The following NRG1 variants were observed in gnomAD, a reference collection of about 807,000 sequenced individuals.
NRG1 encodes the protein pro-neuregulin-1, membrane-bound isoform.
In NRG1, 18 loss-of-function variants were observed where a neutral mutation model predicts 63.8. That is an observed-to-expected ratio of 0.28 (90% CI 0.19 to 0.42). The LOEUF is 0.42. NRG1 is among the 10% of genes least tolerant of loss of function. NRG1 has a pLI of 1.00. For missense variants in NRG1, 762 were observed against 814.7 expected, an observed-to-expected ratio of 0.94 and a Z score of 0.79; for synonymous variants, 302 against 301.3, an observed-to-expected ratio of 1.00 and a Z score of -0.02.
chr8:32,125,160 T>C (rs7835197), intron 1 of NRG1, among the ~76,000 whole-genome samples: 140,998 of 151,926 alleles, frequency 0.93, 65,600 homozygotes, highest in East Asian at 1. Context: ...AGACACCAAA[T>C]GTGCTGGTGC....
intron 1 of NRG1, among the ~76,000 whole-genome samples, chr8:32,498,926 G>C (rs1378195275): frequency 6.6e-6 from 1 of 152,128 alleles, no homozygotes; most frequent in Non-Finnish European, 1.5e-5. Flanking sequence ...TGCCAAAGTA[G>C]CATATTTTGG....
At chr8:32,098,473 T>G (rs1159345166) in intron 1 of NRG1, among the ~76,000 whole-genome samples, 4 of 152,064 alleles carry the variant, frequency 2.6e-5, no homozygotes, top group Non-Finnish European at 4.4e-5. Context: ...AATCCCAGAG[T>G]GTTAAGCTCA....
intron 1 of NRG1, among the ~76,000 whole-genome samples, chr8:32,540,992 G>A (rs1249637103): frequency 1.3e-5 from 2 of 152,158 alleles, no homozygotes. Context: ...GCCTTCTTGA[G>A]TTGTTAATAC....
intron 1 of NRG1, among the ~76,000 whole-genome samples, chr8:31,956,483 T>G (rs1040433332): frequency 6.6e-6 from 1 of 151,998 alleles, no homozygotes; most frequent in Non-Finnish European, 1.5e-5. Flanking sequence ...AGCCAGGCAT[T>G]GTGGCGGGTG....
chr8:31,849,723 T>C (rs1419678758), intron 1 of NRG1, among the ~76,000 whole-genome samples: 1 of 152,184 alleles, frequency 6.6e-6, no homozygotes, highest in African/African-American at 2.4e-5. Context: ...TTCCCTGTGC[T>C]TTCATGAATG....
chr8:32,307,492 G>A (rs1856321082), intron 1 of NRG1, among the ~76,000 whole-genome samples: 1 of 151,910 alleles, frequency 6.6e-6, no homozygotes, highest in African/African-American at 2.4e-5. Context: ...AAAACCAATT[G>A]ATTTTAAATA....
At chr8:31,814,635 T>A in intron 1 of NRG1, among the ~76,000 whole-genome samples, 1 of 148,420 alleles carries the variant, frequency 6.7e-6, no homozygotes, top group Non-Finnish European at 1.5e-5. Flanking sequence ...TAATAATTAA[T>A]AAATATTAAA....
intron 1 of NRG1, among the ~76,000 whole-genome samples, chr8:31,696,257 G>A (rs1048727646): frequency 2.6e-5 from 4 of 152,252 alleles, no homozygotes; most frequent in Non-Finnish European, 5.9e-5. Flanking sequence ...AATAGAGACA[G>A]GGTTTCACCA....
intron 1 of NRG1, among the ~76,000 whole-genome samples, chr8:32,243,414 A>G (rs1848308146): frequency 2.1e-5 from 3 of 145,348 alleles, no homozygotes; most frequent in African/African-American, 7.8e-5. Context: ...TGGGTGACAG[A>G]GTAAGACTCT....
At chr8:32,132,676 G>C (rs999365402) in intron 1 of NRG1, among the ~76,000 whole-genome samples, 3 of 152,058 alleles carry the variant, frequency 2.0e-5, no homozygotes, top group Non-Finnish European at 4.4e-5. Flanking sequence ...ATGCATGGAA[G>C]AACACATCTG....
At chr8:32,493,629 A>G (rs934899419) in intron 1 of NRG1, among the ~76,000 whole-genome samples, 1 of 152,224 alleles carries the variant, frequency 6.6e-6, no homozygotes, top group Non-Finnish European at 1.5e-5. Flanking sequence ...GTCATCCTTC[A>G]GCTAATTTGG....
At chr8:31,977,652 A>G (rs1808408517) in intron 1 of NRG1, among the ~76,000 whole-genome samples, 2 of 152,144 alleles carry the variant, frequency 1.3e-5, no homozygotes, top group South Asian at 4.1e-4. Context: ...ATTGTAATTT[A>G]TAAAAGAATA....
At chr8:32,594,121 A>C (rs1017243970) in intron 1 of NRG1, among the ~76,000 whole-genome samples, 2 of 152,178 alleles carry the variant, frequency 1.3e-5, no homozygotes, top group Non-Finnish European at 2.9e-5. Context: ...TTTAGGATTT[A>C]CTTGGCAAGG....
chr8:32,052,455 A>C (rs1335400213), intron 1 of NRG1, among the ~76,000 whole-genome samples: 1 of 150,964 alleles, frequency 6.6e-6, no homozygotes, highest in Non-Finnish European at 1.5e-5. Context: ...TTTTATTTGT[A>C]TTTTTTTTAA....
intron 1 of NRG1, among the ~76,000 whole-genome samples, chr8:32,085,592 A>G (rs962660309): frequency 2.0e-5 from 3 of 152,176 alleles, no homozygotes; most frequent in African/African-American, 7.2e-5. Flanking sequence ...TCTAGATGGA[A>G]GATATTAACT....
At chr8:31,677,036 AC>A (rs1170716374) in intron 1 of NRG1, among the ~76,000 whole-genome samples, 2 of 152,118 alleles carry the variant, frequency 1.3e-5, no homozygotes, top group Non-Finnish European at 2.9e-5. Context: ...TTGGCATTTA[AC>A]TACTCAATTC....
At chr8:32,266,971 C>T (rs1586509531) in intron 1 of NRG1, among the ~76,000 whole-genome samples, 1 of 151,702 alleles carries the variant, frequency 6.6e-6, no homozygotes, top group African/African-American at 2.4e-5. Context: ...ATCACTTGAA[C>T]CTGGGAGGCG....
intron 1 of NRG1, among the ~76,000 whole-genome samples, chr8:32,494,784 C>A (rs1053501647): frequency 6.6e-6 from 1 of 152,144 alleles, no homozygotes; most frequent in Non-Finnish European, 1.5e-5. Context: ...ATGAATCATC[C>A]TTCAGTTCCC....
chr8:32,763,571 C>T (rs1182671447), intron 11 of NRG1, among the ~76,000 whole-genome samples, 177 bp from the exon 12 acceptor site: 1 of 152,144 alleles, frequency 6.6e-6, no homozygotes, highest in Non-Finnish European at 1.5e-5. Context: ...CTCTTGGCTA[C>T]CTAATTTTCG....
Sources: allele counts gnomAD v4.1 joint callset (sites outside exome capture counted in the v4.1 genomes callset), GRCh38; gene constraint gnomAD v4.1.1; transcripts MANE v1.5; gene names NCBI Gene and HGNC (gene_info 2026-07-23, HGNC 2026-07-21).